Variants in ST6GALNAC3 observed in about 807,000 individuals in gnomAD.
The protein encoded by ST6GALNAC3 is ST6 N-acetylgalactosaminide alpha-2,6-sialyltransferase 3.
A neutral mutation model predicts 32.7 loss-of-function variants in ST6GALNAC3; 25 were observed. The ratio of observed to expected loss-of-function variants is 0.76; its 90% CI spans 0.56 to 1.07. The LOEUF is 1.07. Among genes scored for constraint, ST6GALNAC3 ranks in the 50% least tolerant of loss-of-function variants. The pLI is 0.00. For synonymous variants in ST6GALNAC3, 129 were observed against 133.1 expected (o/e 0.97, Z 0.21); for missense variants, 355 against 382.4 (o/e 0.93, Z 0.60).
chr1:76,565,814 A>G (rs1428666790), intron 3 of ST6GALNAC3, among the ~76,000 whole-genome samples: 1 of 152,190 alleles, frequency 6.6e-6, no homozygotes, highest in Non-Finnish European at 1.5e-5. Flanking sequence ...CTCCCTCAGC[A>G]AACAGATGCC....
chr1:76,374,077 C>G (rs1030107254), intron 2 of ST6GALNAC3, among the ~76,000 whole-genome samples: 2 of 152,180 alleles, frequency 1.3e-5, no homozygotes, highest in African/African-American at 4.8e-5. Flanking sequence ...AGAAGGAAAG[C>G]TCACACATTT....
chr1:76,266,115 A>G (rs777142199), intron 1 of ST6GALNAC3, among the ~76,000 whole-genome samples: 12 of 152,252 alleles, frequency 7.9e-5, no homozygotes, highest in Non-Finnish European at 1.6e-4. Flanking sequence ...AGGTAGCAAC[A>G]GAAAACTGGA....
intron 1 of ST6GALNAC3, among the ~76,000 whole-genome samples, chr1:76,141,735 A>C (rs1343395560): frequency 6.6e-6 from 1 of 152,158 alleles, no homozygotes; most frequent in Non-Finnish European, 1.5e-5. Flanking sequence ...TGAAAAGAAC[A>C]AGCAAAATGG....
intron 2 of ST6GALNAC3, among the ~76,000 whole-genome samples, chr1:76,381,063 C>G (rs566828803): frequency 1.1e-4 from 17 of 149,014 alleles, no homozygotes; most frequent in Admixed American, 2.0e-4. Flanking sequence ...ATCTAGTTAA[C>G]TATCTATTGT....
At chr1:76,077,830 A>G (rs1557594003) in intron 1 of ST6GALNAC3, among the ~76,000 whole-genome samples, 1 of 152,210 alleles carries the variant, frequency 6.6e-6, no homozygotes, top group East Asian at 1.9e-4. Context: ...GCTCAAAATA[A>G]TCAATATGCC....
chr1:76,298,896 G>A (rs948957639), intron 1 of ST6GALNAC3, among the ~76,000 whole-genome samples: 4 of 151,894 alleles, frequency 2.6e-5, no homozygotes, highest in African/African-American at 4.8e-5. Context: ...GTTTGCCTCC[G>A]TTTTGCTTGT....
chr1:76,107,231 G>A (rs1647594644), intron 1 of ST6GALNAC3, among the ~76,000 whole-genome samples: 1 of 151,662 alleles, frequency 6.6e-6, no homozygotes, highest in African/African-American at 2.4e-5. Context: ...AATGGTTGAT[G>A]AGAATAATAG....
chr1:76,101,022 A>G (rs992078387), intron 1 of ST6GALNAC3, among the ~76,000 whole-genome samples: 6 of 152,070 alleles, frequency 3.9e-5, no homozygotes, highest in Admixed American at 3.3e-4. Flanking sequence ...TTGACACATC[A>G]TTATCACCCA....
intron 2 of ST6GALNAC3, among the ~76,000 whole-genome samples, chr1:76,365,047 A>G (rs191974968): frequency 3.5e-4 from 53 of 152,350 alleles, no homozygotes; most frequent in Non-Finnish European, 7.1e-4. Context: ...AGCACCATTC[A>G]CAATAGCAAA....
At chr1:76,156,318 C>A (rs532307859) in intron 1 of ST6GALNAC3, among the ~76,000 whole-genome samples, 1 of 152,192 alleles carries the variant, frequency 6.6e-6, no homozygotes, top group Admixed American at 6.5e-5. Flanking sequence ...TGTACTATCA[C>A]AAGAAAGTGA....
At chr1:76,106,830 T>A (rs1647565270) in intron 1 of ST6GALNAC3, among the ~76,000 whole-genome samples, 1 of 152,246 alleles carries the variant, frequency 6.6e-6, no homozygotes, top group Non-Finnish European at 1.5e-5. Context: ...TTCTGAAGTA[T>A]CTTTCCTTCC....
chr1:76,309,455 T>C (rs967270141), intron 1 of ST6GALNAC3, among the ~76,000 whole-genome samples: 1 of 152,148 alleles, frequency 6.6e-6, no homozygotes, highest in Admixed American at 6.6e-5. Context: ...CACATTCTCA[T>C]TGCATTCAGC....
intron 2 of ST6GALNAC3, among the ~76,000 whole-genome samples, chr1:76,347,927 A>T (rs1179190082): frequency 1.3e-5 from 2 of 152,204 alleles, no homozygotes; most frequent in Non-Finnish European, 2.9e-5. Context: ...ATTGGTTATT[A>T]TGATTTATGA....
intron 2 of ST6GALNAC3, among the ~76,000 whole-genome samples, chr1:76,383,931 T>G (rs1023336462): frequency 4.6e-5 from 7 of 152,078 alleles, no homozygotes; most frequent in Non-Finnish European, 8.8e-5. Flanking sequence ...TAAGAGATAA[T>G]AAATGGGAAA....
rs182288700 is a variant in ST6GALNAC3 at position 76,573,248 on chromosome 1, G to A, written c.624-54204G>A. ...TGCTGGCAAGTGGAACTACCTTTCC[G>A]GTCCTCTTACAAGCATCCAGTCACT... is the stretch of plus-strand genomic sequence containing the variant. On this transcript the variant is annotated intron_variant, in intron 3 of 4. Coordinates refer to ENST00000328299, the MANE Select transcript of ST6GALNAC3 (RefSeq NM_152996.4). Among the ~76,000 whole-genome samples, 3 of 152,156 alleles carry A rather than the reference G, an allele frequency of 2.0e-5. No individual in the cohort carries two copies. The East Asian group carries it at 5.8e-4, about 29-fold the overall frequency.
intron 3 of ST6GALNAC3, among the ~76,000 whole-genome samples, chr1:76,423,122 G>A (rs922826403): frequency 1.3e-5 from 2 of 152,116 alleles, no homozygotes; most frequent in Admixed American, 1.3e-4. Context: ...GACAGTGTAT[G>A]AGTTAGTCAT....
At chr1:76,248,839 G>A (rs1657454787) in intron 1 of ST6GALNAC3, among the ~76,000 whole-genome samples, 1 of 151,936 alleles carries the variant, frequency 6.6e-6, no homozygotes, top group Non-Finnish European at 1.5e-5. Context: ...GAGGTGGAAA[G>A]AGGATGACAC....
intron 2 of ST6GALNAC3, among the ~76,000 whole-genome samples, chr1:76,368,461 C>T (rs1370078691): frequency 1.3e-5 from 2 of 151,250 alleles, no homozygotes; most frequent in Non-Finnish European, 1.5e-5. Context: ...GCAGATGCCT[C>T]ACTGATGCCC....
At chr1:76,610,964 A>G (rs552990970) in intron 3 of ST6GALNAC3, among the ~76,000 whole-genome samples, 3 of 152,270 alleles carry the variant, frequency 2.0e-5, no homozygotes. Context: ...TGTTTGTTCA[A>G]TAAAGATGTG....
Sources: allele counts gnomAD v4.1 joint callset (sites outside exome capture counted in the v4.1 genomes callset), GRCh38; gene constraint gnomAD v4.1.1; transcripts MANE v1.5; gene names NCBI Gene and HGNC (gene_info 2026-07-23, HGNC 2026-07-21).